ACO2: variants seen among roughly 807,000 people sequenced by gnomAD.
ACO2 encodes the protein aconitate hydratase, mitochondrial.
Under a neutral mutation model 84.5 loss-of-function variants are expected in ACO2, and 31 were observed. The observed-to-expected ratio is 0.37, with a 90% CI of 0.28 to 0.50. ACO2 has a LOEUF of 0.50. Ranked by LOEUF, ACO2 falls within the 20% of genes least tolerant of loss-of-function variation. The pLI is 0.97. For synonymous variants in ACO2, 414 were observed against 412.7 expected, an observed-to-expected ratio of 1.00 and a Z score of -0.04; for missense variants, 685 against 1,029.3, an observed-to-expected ratio of 0.67 and a Z score of 4.58.
intron 2 of ACO2, among the ~76,000 whole-genome samples, chr22:41,504,046 T>C (rs1466284317): frequency 6.6e-6 from 1 of 152,188 alleles, no homozygotes; most frequent in Non-Finnish European, 1.5e-5. Flanking sequence ...AAACACTGTG[T>C]CTACTAAAAA....
chr22:41,509,428 G>A (rs537134231), intron 3 of ACO2, among the ~76,000 whole-genome samples: 1 of 152,260 alleles, frequency 6.6e-6, no homozygotes, highest in South Asian at 2.1e-4. Flanking sequence ...AACAATGGCC[G>A]AGGTAGGTAA....
In ACO2 at chr22:41,522,649, GT is replaced by G. The variant is rs11331024; in HGVS notation, c.1139-179del. The stretch of plus-strand genomic sequence containing the variant: ...TTCTTCAAATGACGCCACGTCATGA[GT>G]TAGCCTGTCCTTTATTGTTGGATAT... On this transcript the variant is annotated intron_variant, in intron 9 of 17. Coordinates refer to ENST00000216254, the MANE Select transcript of ACO2 (RefSeq NM_001098.3). 0.18 allele frequency among the ~76,000 whole-genome samples: 27,051 copies of G among 152,160 alleles called. 3,403 individuals carry two copies. Among genetic ancestry groups the G allele is most frequent in the Admixed American group, 0.37 (5,714 of 15,270 alleles).
In ACO2 at chr22:41,527,366, C is replaced by A; in HGVS notation, c.2032C>A (p.Pro678Thr). 1 of 1,613,992 alleles carries A rather than the reference C, an allele frequency of 6.2e-7. No homozygotes were observed. ...GSSREHAALE[P>T]RHLGGRAIIT... The stretch of plus-strand genomic sequence containing the variant: ...GAGCCGGGAGCATGCAGCTCTGGAG[C>A]CTCGCCACCTTGGGGGCCGGGCCAT... The change falls in exon 16 of 18, where the codon CCT (proline) becomes ACT (threonine). Residue 678 changes from proline (P) to threonine (T), a missense_variant. Transcript: ENST00000216254.
intron 1 of ACO2, among the ~76,000 whole-genome samples, chr22:41,495,660 G>A (rs190831652): frequency 2.0e-5 from 3 of 147,486 alleles, no homozygotes; most frequent in South Asian, 2.1e-4. Flanking sequence ...TTGCTCTGTC[G>A]TCCAGGCTGG....
chr22:41,513,861 G>A (rs1042132612), intron 4 of ACO2, among the ~76,000 whole-genome samples: 1 of 152,116 alleles, frequency 6.6e-6, no homozygotes, highest in Non-Finnish European at 1.5e-5. Flanking sequence ...TCACTGTCAC[G>A]GCCAGCGTCA....
intron 1 of ACO2, among the ~76,000 whole-genome samples, chr22:41,479,967 G>T (rs932409132): frequency 1.3e-5 from 2 of 152,238 alleles, no homozygotes; most frequent in Admixed American, 6.5e-5. Flanking sequence ...GAGAGACATG[G>T]CTCCTTGCTC....
At position 41,469,125 on chromosome 22, in the gene ACO2, C is replaced by T. The variant is rs767030427; in HGVS notation, c.-22C>T. 5 of 1,605,910 alleles carry T rather than the reference C, an allele frequency of 3.1e-6. No homozygotes were observed. Among genetic ancestry groups the T allele is most frequent in the South Asian group, 2.2e-5 (2 of 90,322 alleles). ...GTGTGGGACGTCACTTTAATGCGAC[C>T]TCATCTTTGTCAGTGCACAAAATGG... On this transcript the variant is annotated 5_prime_UTR_variant, in exon 1 of 18. Transcript: ENST00000216254.
chr22:41,478,764 C>CTTTTTT (rs761466511), intron 1 of ACO2, among the ~76,000 whole-genome samples: 2 of 125,894 alleles, frequency 1.6e-5, no homozygotes, highest in South Asian at 2.5e-4. Context: ...CACATATCTT[C>CTTTTTT]TTTTTTTTTT....
At chr22:41,513,880 T>G (rs1420007463) in intron 4 of ACO2, among the ~76,000 whole-genome samples, 2 of 152,166 alleles carry the variant, frequency 1.3e-5, no homozygotes, top group African/African-American at 4.8e-5. Flanking sequence ...CATCGTGACA[T>G]CTTCTGCAGT....
At chr22:41,478,052 G>A (rs2038041392) in intron 1 of ACO2, among the ~76,000 whole-genome samples, 1 of 151,880 alleles carries the variant, frequency 6.6e-6, no homozygotes, top group African/African-American at 2.4e-5. Flanking sequence ...GCAACAGAGC[G>A]AGACTCTGTC....
At chr22:41,490,607 G>A (rs2066265047) in intron 1 of ACO2, among the ~76,000 whole-genome samples, 1 of 152,134 alleles carries the variant, frequency 6.6e-6, no homozygotes, top group South Asian at 2.1e-4. Context: ...ATAGTTTCCT[G>A]GAAGAGGGAA....
chr22:41,474,269 G>A (rs1173663918), intron 1 of ACO2, among the ~76,000 whole-genome samples: 1 of 151,428 alleles, frequency 6.6e-6, no homozygotes, highest in Admixed American at 6.6e-5. Context: ...ATTGAATTCA[G>A]TGGTCGTGTG....
intron 1 of ACO2, among the ~76,000 whole-genome samples, chr22:41,476,617 C>T (rs906936531): frequency 3.4e-5 from 5 of 147,484 alleles, no homozygotes; most frequent in Admixed American, 1.4e-4. Context: ...GGCTGAGGTA[C>T]GAGAATCGCT....
rs763411994 is a variant in ACO2, at chr22:41,525,196, T to C, written c.1609T>C (p.Phe537Leu). ...PDADELPKGEFDPGQDTYQHP... is the reference protein window; with the variant it reads ...PDADELPKGELDPGQDTYQHP... Reference sequence around the variant, plus strand: ...GCATCCCCATTCCCTGCTGCAGGAGTTTGACCCAGGGCAGGACACCTACCA... The same window carrying C: ...GCATCCCCATTCCCTGCTGCAGGAGCTTGACCCAGGGCAGGACACCTACCA... The change falls in exon 14 of 18, where the codon TTT (phenylalanine) becomes CTT (leucine). Residue 537 changes from phenylalanine to leucine, a missense_variant. This residue lies in a region of ACO2 where 311 missense variants were observed against 441.6 expected (regional missense o/e 0.70). Transcript: ENST00000216254. The C allele has an allele frequency of 6.2e-7, 1 of 1,613,440 alleles. No homozygotes were observed. Among genetic ancestry groups the C allele is most frequent in the African/African-American group, 1.3e-5 (1 of 74,782 alleles).
chr22:41,477,539 C>T (rs906638184), intron 1 of ACO2, among the ~76,000 whole-genome samples: 2 of 152,102 alleles, frequency 1.3e-5, no homozygotes, highest in Non-Finnish European at 2.9e-5. Flanking sequence ...CACCTTGCTG[C>T]GTGACCCTGG....
chr22:41,528,321 G>A (rs2066647028), intron 17 of ACO2, 158 bp from the exon 18 acceptor site: 1 of 1,098,980 alleles, frequency 9.1e-7, no homozygotes, highest in Non-Finnish European at 1.3e-6. Context: ...GGTGCCACCT[G>A]GGTCTGACCT....
intron 1 of ACO2, among the ~76,000 whole-genome samples, chr22:41,475,586 C>A (rs964866184): frequency 3.9e-5 from 6 of 152,026 alleles, no homozygotes; most frequent in Non-Finnish European, 5.9e-5. Flanking sequence ...AGAGAGACTT[C>A]TTGTAGCCTT....
chr22:41,527,249 C>G, intron 15 of ACO2, 39 bp from the exon 16 acceptor site: 8 of 1,613,504 alleles, frequency 5.0e-6, no homozygotes, highest in East Asian at 2.2e-5. Flanking sequence ...GGACGGTGCC[C>G]TCCTCTGCCT....
At chr22:41,492,522 C>T (rs942106178) in intron 1 of ACO2, among the ~76,000 whole-genome samples, 4 of 152,174 alleles carry the variant, frequency 2.6e-5, no homozygotes, top group Admixed American at 1.3e-4. Context: ...GCATATAATC[C>T]GAATACTTTG....
Sources: allele counts gnomAD v4.1 joint callset (sites outside exome capture counted in the v4.1 genomes callset), GRCh38; gene constraint gnomAD v4.1.1; regional missense constraint gnomAD v4.1.1; transcripts MANE v1.5; gene names NCBI Gene and HGNC (gene_info 2026-07-23, HGNC 2026-07-21).